The following MICAL3 variants were observed in gnomAD, a reference collection of about 807,000 sequenced individuals.
MICAL3 encodes microtubule associated monooxygenase, calponin and LIM domain containing 3, also known as [F-actin]-monooxygenase MICAL3.
MICAL3 carries 62 observed loss-of-function variants against 207.4 expected under a neutral mutation model. The ratio of observed to expected loss-of-function variants is 0.30; its 90% confidence interval spans 0.24 to 0.37. The LOEUF is 0.37. MICAL3 is among the 10% of genes least tolerant of loss of function. The pLI is 1.00. For missense variants in MICAL3, 2,368 were observed against 2,635.6 expected (o/e 0.90, Z 2.22); for synonymous variants, 1,077 against 1,069.3 (o/e 1.01, Z -0.14).
chr22:17,997,903 T>C (rs1327290052), intron 1 of MICAL3, among the ~76,000 whole-genome samples: 1 of 151,184 alleles, frequency 6.6e-6, no homozygotes, highest in Admixed American at 6.6e-5. Context: ...CACAATGATC[T>C]GGTATCTTTA....
At chr22:17,938,838 C>G (rs889974450) in intron 1 of MICAL3, among the ~76,000 whole-genome samples, 2 of 150,644 alleles carry the variant, frequency 1.3e-5, no homozygotes, top group African/African-American at 4.9e-5. Context: ...AGGTGAAGCA[C>G]ACATCTACAC....
chr22:17,978,954 C>T (rs1270218717), intron 1 of MICAL3, among the ~76,000 whole-genome samples: 2 of 149,646 alleles, frequency 1.3e-5, no homozygotes, highest in African/African-American at 2.5e-5. Context: ...GGCGGGAGGA[C>T]TGCATGAGCC....
intron 29 of MICAL3, among the ~76,000 whole-genome samples, chr22:17,807,365 G>A (rs961943161): frequency 3.3e-5 from 5 of 152,202 alleles, no homozygotes; most frequent in South Asian, 4.1e-4. Flanking sequence ...CCGCAGGTTC[G>A]CTGGGAAACC....
chr22:17,904,096 C>T (rs1285867392), intron 3 of MICAL3, among the ~76,000 whole-genome samples: 1 of 152,232 alleles, frequency 6.6e-6, no homozygotes, highest in Non-Finnish European at 1.5e-5. Flanking sequence ...AACCACCTGA[C>T]CAGAGGAATG....
At chr22:17,846,397 A>T (rs1024034299) in intron 19 of MICAL3, among the ~76,000 whole-genome samples, 2 of 73,660 alleles carry the variant, frequency 2.7e-5, no homozygotes, top group African/African-American at 8.0e-5. Flanking sequence ...ATGGGAAATT[A>T]AAAAAAAAAC....
intron 7 of MICAL3, among the ~76,000 whole-genome samples, chr22:17,898,938 C>T (rs534906155): frequency 3.0e-4 from 45 of 152,320 alleles, no homozygotes; most frequent in African/African-American, 1.1e-3. Context: ...CACCAGAATC[C>T]TCATCAGGCT....
chr22:17,819,155 C>CTGAGAAGGTG, intron 25 of MICAL3, 26 bp from the exon 26 acceptor site: 1 of 1,443,788 alleles, frequency 6.9e-7, no homozygotes, highest in Non-Finnish European at 9.1e-7. Flanking sequence ...ACAGAAGCCG[C>CTGAGAAGGTG]TGAGAAGGTG....
At chr22:17,860,094 G>A (rs1016251968) in intron 19 of MICAL3, 2 of 804,274 alleles carry the variant, frequency 2.5e-6, no homozygotes, top group East Asian at 2.5e-4. Context: ...AGACCTGCCT[G>A]AGCCTCCCCC....
intron 20 of MICAL3, among the ~76,000 whole-genome samples, chr22:17,837,490 T>A (rs1250738178): frequency 6.6e-6 from 1 of 152,260 alleles, no homozygotes; most frequent in Non-Finnish European, 1.5e-5. Context: ...CTGCACCAGC[T>A]GCCTTTGCTG....
chr22:17,822,541 C>T (rs1353708807), intron 23 of MICAL3, among the ~76,000 whole-genome samples: 1 of 152,230 alleles, frequency 6.6e-6, no homozygotes, highest in African/African-American at 2.4e-5. Flanking sequence ...GCCCTGACTG[C>T]CACCCCAACT....
chr22:17,940,255 T>A (rs971696533), intron 1 of MICAL3, among the ~76,000 whole-genome samples: 3 of 152,186 alleles, frequency 2.0e-5, no homozygotes, highest in African/African-American at 7.2e-5. Context: ...AGAGAACTGA[T>A]CCTGCCAGGT....
chr22:17,959,001 G>T (rs8143037), intron 1 of MICAL3, among the ~76,000 whole-genome samples: 6 of 144,818 alleles, frequency 4.1e-5, no homozygotes, highest in Admixed American at 7.1e-5. Flanking sequence ...CCACTGCGCC[G>T]GGCCTGGGGT....
At chr22:17,810,489 A>G (rs431538) in intron 28 of MICAL3, among the ~76,000 whole-genome samples, 76,811 of 151,912 alleles carry the variant, frequency 0.51, 22,442 homozygotes, top group African/African-American at 0.83. Flanking sequence ...TTGAGCCACC[A>G]CGCCCAGCCT....
At chr22:17,854,224 AGG>A (rs57060886) in intron 19 of MICAL3, among the ~76,000 whole-genome samples, 1 of 151,650 alleles carries the variant, frequency 6.6e-6, no homozygotes, top group Non-Finnish European at 1.5e-5. Context: ...CAGCTTGGGG[AGG>A]GGGGTGCTAC....
At chr22:17,908,491 T>G (rs1218049697) in intron 1 of MICAL3, among the ~76,000 whole-genome samples, 1 of 152,140 alleles carries the variant, frequency 6.6e-6, no homozygotes, top group African/African-American at 2.4e-5. Context: ...GTATTTTTAG[T>G]AGAGACGGGG....
chr22:17,792,914 C>A (rs908562112), intron 29 of MICAL3, among the ~76,000 whole-genome samples: 4 of 152,232 alleles, frequency 2.6e-5, no homozygotes, highest in Non-Finnish European at 4.4e-5. Context: ...GCATTGCTTT[C>A]GGAGCGTCTC....
chr22:17,902,067 G>C lies in MICAL3; in HGVS notation c.590-88C>G, dbSNP rs7290673. On this transcript the variant is annotated intron_variant, in intron 4 of 31. Transcript: ENST00000441493. The surrounding 1 kb of genome is among the most constrained non-coding windows in gnomAD (Gnocchi z 4.5). ...CTCTAGATACCCAGTCATGTGAACT[G>C]CACAAAACCCTGGGCCAAAAACACT... The C allele has an allele frequency of 4.7e-4, 439 of 927,950 alleles. 1 individual carries two copies. The African/African-American group carries it at 6.7e-3, about 14-fold the overall frequency. 57.5% of individuals were successfully genotyped at this position (927,950 alleles called of 1,614,324 possible). A position where few individuals can be genotyped will look rare whatever the true frequency, so the allele number is the denominator to read the frequency against.
chr22:17,949,205 A>C (rs1934218981), intron 1 of MICAL3, among the ~76,000 whole-genome samples: 1 of 152,202 alleles, frequency 6.6e-6, no homozygotes, highest in South Asian at 2.1e-4. Flanking sequence ...GTGAGAAATT[A>C]TCTCGAAAAT....
At chr22:17,815,201 G>A (rs1185286689) in intron 27 of MICAL3, 2 of 152,590 alleles carry the variant, frequency 1.3e-5, no homozygotes, top group African/African-American at 4.8e-5. Context: ...CTGGGGTCCT[G>A]TTCCTGTTTC....
Sources: allele counts gnomAD v4.1 joint callset (sites outside exome capture counted in the v4.1 genomes callset), GRCh38; gene constraint gnomAD v4.1.1; non-coding constraint Gnocchi (gnomAD v3.1); transcripts MANE v1.5; gene names NCBI Gene and HGNC (gene_info 2026-07-23, HGNC 2026-07-21).